Variants in AFF2 observed in about 807,000 individuals in gnomAD.
AFF2 encodes the protein AF4/FMR2 family member 2.
A neutral mutation model predicts 76.9 loss-of-function variants in AFF2; 14 were observed. The ratio of observed to expected loss-of-function variants is 0.18; its 90% CI spans 0.12 to 0.28. AFF2 has a LOEUF of 0.28. Among genes scored for constraint, AFF2 ranks in the 10% least tolerant of loss-of-function variants. The pLI, the probability that AFF2 is intolerant of heterozygous loss-of-function variation, is 1.00. For synonymous variants in AFF2, 398 were observed against 366.7 expected (o/e 1.09, Z -0.98); for missense variants, 868 against 1,001.1 (o/e 0.87, Z 1.79).
rs2065502789 is a variant in AFF2, at chrX:148,999,791, T to C, written c.*8459T>C. The C allele has an allele frequency of 8.9e-6, 1 of 112,661 alleles. No homozygotes were observed. 9.3% of individuals were successfully genotyped at this position (112,661 alleles called of 1,213,427 possible). On this transcript the variant is annotated 3_prime_UTR_variant, in exon 21 of 21. Coordinates refer to ENST00000370460, the MANE Select transcript of AFF2 (RefSeq NM_002025.4). ...TTCCTCTTGGAAGCTTTGGTCATAA[T>C]ATCATGGTTCAATTAAACGGATTCC...
chrX:148,577,208 C>T (rs10521874), intron 1 of AFF2, among the ~76,000 whole-genome samples: 31,875 of 110,458 alleles, frequency 0.29, 3,519 homozygotes, highest in African/African-American at 0.33. Flanking sequence ...TCTATTAGAC[C>T]AGTTGTATAT....
intron 9 of AFF2, among the ~76,000 whole-genome samples, chrX:148,940,589 TC>T (rs1469201925): frequency 8.9e-6 from 1 of 112,008 alleles, no homozygotes; most frequent in African/African-American, 3.2e-5. Flanking sequence ...TCCTGCCAGT[TC>T]TTGGTGAAAT....
chrX:148,973,501 G>T lies in AFF2; in HGVS notation c.3298G>T (p.Ala1100Ser), dbSNP rs782759802. 8.3e-7 allele frequency: 1 copy of T among 1,211,394 alleles called. No homozygotes were observed. The highest frequency in any genetic ancestry group is 1.1e-6 in the Non-Finnish European group (1 of 895,298). The change falls in exon 16 of 21, where the codon GCT (alanine) becomes TCT (serine). Residue 1100 changes from alanine (A) to serine (S), a missense_variant. Coordinates refer to ENST00000370460, the MANE Select transcript of AFF2 (RefSeq NM_002025.4). ...GAAATTTGGCAAAGCTGTGAATTAT[G>T]CTGATGCCGCCCTCTCCTTCACTGA... ...FEKFGKAVNY[A>S]DAALSFTECG...
intron 3 of AFF2, among the ~76,000 whole-genome samples, chrX:148,762,927 T>C (rs138294844): frequency 1.2e-4 from 13 of 112,128 alleles, no homozygotes; most frequent in African/African-American, 4.2e-4. Flanking sequence ...GGATTGAACA[T>C]GTAAAATATA....
chrX:148,919,260 C>G (rs1012083449), intron 9 of AFF2, among the ~76,000 whole-genome samples: 1 of 111,040 alleles, frequency 9.0e-6, no homozygotes, highest in Non-Finnish European at 1.9e-5. Context: ...AAAAAGCAAC[C>G]CTGTGCAATA....
intron 3 of AFF2, among the ~76,000 whole-genome samples, chrX:148,776,953 T>C (rs2069675426): frequency 8.9e-6 from 1 of 112,218 alleles, no homozygotes; most frequent in Non-Finnish European, 1.9e-5. Flanking sequence ...TGAATGGTAT[T>C]GCCTAGGTTT....
intron 1 of AFF2, 72 bp from the exon 2 acceptor site, chrX:148,651,927 G>A (rs1557256387): frequency 5.8e-6 from 6 of 1,028,146 alleles, no homozygotes; most frequent in Non-Finnish European, 7.8e-6. Flanking sequence ...ATTATTGACA[G>A]CAAGGAAAAT....
intron 3 of AFF2, among the ~76,000 whole-genome samples, chrX:148,779,672 C>T (rs1193634323): frequency 4.5e-5 from 5 of 111,818 alleles, no homozygotes; most frequent in African/African-American, 1.6e-4. Context: ...CTGAATACAG[C>T]ACACCAATGC....
intron 3 of AFF2, among the ~76,000 whole-genome samples, chrX:148,677,391 T>C (rs927766476): frequency 7.1e-5 from 8 of 112,139 alleles, no homozygotes; most frequent in Non-Finnish European, 1.5e-4. Context: ...AAAATGATCA[T>C]TTCCTTATGC....
At chrX:148,903,047 T>C (rs1348066961) in intron 8 of AFF2, among the ~76,000 whole-genome samples, 1 of 109,647 alleles carries the variant, frequency 9.1e-6, no homozygotes, top group Non-Finnish European at 1.9e-5. Flanking sequence ...CTGCTAAAAG[T>C]GGTTGCCTCT....
At chrX:148,661,475 G>T (rs1278116672) in intron 2 of AFF2, among the ~76,000 whole-genome samples, 1 of 111,858 alleles carries the variant, frequency 8.9e-6, no homozygotes, top group African/African-American at 3.2e-5. Flanking sequence ...GTATAATGTG[G>T]TGCAAAGGCT....
intron 5 of AFF2, 137 bp from the exon 6 acceptor site, chrX:148,842,829 C>A: frequency 2.2e-6 from 1 of 445,783 alleles, no homozygotes; most frequent in Non-Finnish European, 3.7e-6. Flanking sequence ...AGACAAAAGC[C>A]TAATTAATGG....
chrX:148,857,124 T>G (rs1057265540), intron 7 of AFF2, among the ~76,000 whole-genome samples: 2 of 111,854 alleles, frequency 1.8e-5, no homozygotes, highest in East Asian at 5.6e-4. Flanking sequence ...GAAGACACAC[T>G]AATGTAGAAT....
rs111988479 is a variant in AFF2, at chrX:148,699,489, G to A, written c.1041+36721G>A. 8.3e-3 allele frequency among the ~76,000 whole-genome samples: 925 copies of A among 111,717 alleles called. 13 individuals carry two copies. Among genetic ancestry groups the A allele is most frequent in the African/African-American group, 0.029 (884 of 30,747 alleles). ...AAAATAGCATCTATAATGCCATCTG[G>A]GTGGTGCTGATACTTTGGAGAGCAT... On this transcript the variant is annotated intron_variant, in intron 3 of 20. Coordinates refer to ENST00000370460, the MANE Select transcript of AFF2 (RefSeq NM_002025.4).
At chrX:148,970,761 T>C (rs1054730563) in intron 15 of AFF2, among the ~76,000 whole-genome samples, 1 of 111,994 alleles carries the variant, frequency 8.9e-6, no homozygotes, top group African/African-American at 3.2e-5. Context: ...TTGTCAACAG[T>C]CATACTACAG....
At chrX:148,987,902 GTTATTA>G (rs1185396880) in intron 20 of AFF2, among the ~76,000 whole-genome samples, 23 of 111,585 alleles carry the variant, frequency 2.1e-4, no homozygotes, top group African/African-American at 7.5e-4. Flanking sequence ...TGTTATTATT[GTTATTA>G]TTATTTTTTT....
chrX:148,887,168 G>T (rs2071169012), intron 8 of AFF2, among the ~76,000 whole-genome samples: 1 of 112,793 alleles, frequency 8.9e-6, no homozygotes, highest in South Asian at 3.6e-4. Flanking sequence ...CAACCACAGG[G>T]TAAGTGCAGA....
intron 1 of AFF2, among the ~76,000 whole-genome samples, chrX:148,558,287 G>A (rs1323800271): frequency 4.5e-5 from 5 of 111,235 alleles, no homozygotes; most frequent in Non-Finnish European, 9.4e-5. Flanking sequence ...GGAGTTGTGC[G>A]GGCGAGTGGC....
intron 7 of AFF2, among the ~76,000 whole-genome samples, chrX:148,875,529 A>C (rs1363626627): frequency 3.6e-5 from 4 of 111,812 alleles, no homozygotes; most frequent in Non-Finnish European, 7.5e-5. Flanking sequence ...CTACCCAATG[A>C]ATCAACATTA....
Sources: allele counts gnomAD v4.1 joint callset (sites outside exome capture counted in the v4.1 genomes callset), GRCh38; gene constraint gnomAD v4.1.1; transcripts MANE v1.5; gene names NCBI Gene and HGNC (gene_info 2026-07-23, HGNC 2026-07-21).